Variants in BCAS3 observed in about 807,000 individuals in gnomAD.
BCAS3 encodes BCAS4/BCAS3 fusion.
A neutral mutation model predicts 116.1 loss-of-function variants in BCAS3; 53 were observed. The ratio of observed to expected loss-of-function variants is 0.46; its 90% CI spans 0.37 to 0.57. The LOEUF (loss-of-function observed/expected upper bound fraction) is 0.57. BCAS3 is among the 20% of genes least tolerant of loss of function. The pLI is 0.00. For missense variants in BCAS3, 917 were observed against 1,165.4 expected (o/e 0.79, Z 3.10); for synonymous variants, 391 against 408.2 (o/e 0.96, Z 0.51).
intron 19 of BCAS3, among the ~76,000 whole-genome samples, chr17:61,062,753 C>G (rs914977188): frequency 6.6e-6 from 1 of 152,190 alleles, no homozygotes; most frequent in Non-Finnish European, 1.5e-5. Flanking sequence ...ATCCTAAAAA[C>G]TGAAGGTCCT....
rs2048991318 is a variant in BCAS3, at chr17:61,258,928, A to G, written c.2426-109399A>G. ...TCCATTCTAAACTGACAGATGTTGC[A>G]GTGAGCTTTGAGCTCTTGGGGATTC... On this transcript the variant is annotated intron_variant, in intron 22 of 23. Transcript: ENST00000407086. The surrounding 1 kb of genome is among the most constrained non-coding windows in gnomAD (Gnocchi z 4.7). 6.6e-6 allele frequency among the ~76,000 whole-genome samples: 1 copy of G among 152,258 alleles called. No homozygotes were observed. The highest frequency in any genetic ancestry group is 2.4e-5 in the African/African-American group (1 of 41,468).
chr17:61,204,143 G>A lies in BCAS3; in HGVS notation c.2425+119579G>A, dbSNP rs1187338594. 6.6e-6 allele frequency among the ~76,000 whole-genome samples: 1 copy of A among 152,172 alleles called. No homozygotes were observed. Among genetic ancestry groups the A allele is most frequent in the Non-Finnish European group, 1.5e-5 (1 of 68,024 alleles). On this transcript the variant is annotated intron_variant, in intron 22 of 23. Transcript: ENST00000407086. This position sits in a 1 kb window ranked among gnomAD's most constrained non-coding sequence, Gnocchi z 4.2. ...GTCACTCAGTCTCTGAGCCAAACCT[G>A]CCTTTGTTTACAACTTTTCCGGAAA...
chr17:61,192,741 G>A (rs2080222138), intron 22 of BCAS3, among the ~76,000 whole-genome samples: 1 of 152,164 alleles, frequency 6.6e-6, no homozygotes, highest in Non-Finnish European at 1.5e-5. Flanking sequence ...AAATATAAAT[G>A]TAGAGGTAGG....
chr17:60,683,435 T>G (rs2033490457), intron 2 of BCAS3, among the ~76,000 whole-genome samples: 1 of 146,656 alleles, frequency 6.8e-6, no homozygotes, highest in South Asian at 2.1e-4. Context: ...CATTTACATT[T>G]AATAACATAT....
chr17:61,374,515 G>A (rs1403892959), intron 23 of BCAS3, among the ~76,000 whole-genome samples: 1 of 152,160 alleles, frequency 6.6e-6, no homozygotes, highest in Non-Finnish European at 1.5e-5. Context: ...CTCAGGGTCC[G>A]GGAGACTGTC....
At chr17:60,838,191 A>G (rs550397571) in intron 7 of BCAS3, among the ~76,000 whole-genome samples, 1 of 152,298 alleles carries the variant, frequency 6.6e-6, no homozygotes, top group African/African-American at 2.4e-5. Flanking sequence ...AGAAAATCAC[A>G]ACATGTGCAT....
At chr17:60,940,750 G>T (rs1287466979) in intron 13 of BCAS3, among the ~76,000 whole-genome samples, 1 of 152,088 alleles carries the variant, frequency 6.6e-6, no homozygotes, top group East Asian at 1.9e-4. Flanking sequence ...ATTTCTATTT[G>T]ATTCAGCATA....
chr17:60,710,885 C>T (rs1442656296), intron 5 of BCAS3, among the ~76,000 whole-genome samples: 1 of 151,502 alleles, frequency 6.6e-6, no homozygotes, highest in Non-Finnish European at 1.5e-5. Context: ...TCACTCTATC[C>T]TCCACCTCCT....
chr17:60,940,369 TTTGA>T (rs1192042234), intron 13 of BCAS3, among the ~76,000 whole-genome samples: 4 of 152,128 alleles, frequency 2.6e-5, no homozygotes, highest in Non-Finnish European at 5.9e-5. Context: ...CATTGATGAG[TTTGA>T]TTATTAGTGT....
intron 6 of BCAS3, among the ~76,000 whole-genome samples, chr17:60,771,621 A>G (rs890474979): frequency 3.3e-5 from 5 of 152,142 alleles, no homozygotes; most frequent in Non-Finnish European, 7.3e-5. Context: ...TTACATATGT[A>G]TACATGTGCC....
chr17:61,299,462 AAAAAG>A (rs964195069), intron 22 of BCAS3, among the ~76,000 whole-genome samples: 13 of 144,420 alleles, frequency 9.0e-5, no homozygotes, highest in African/African-American at 3.2e-4. Context: ...AAAAAAAAAA[AAAAAG>A]AAAAGAAAAA....
At position 61,349,817 on chromosome 17, in the gene BCAS3, A is replaced by G. The variant is rs1234079409; in HGVS notation, c.2426-18510A>G. On this transcript the variant is annotated intron_variant, in intron 22 of 23. Coordinates refer to ENST00000407086, the MANE Select transcript of BCAS3 (RefSeq NM_017679.5). The surrounding 1 kb of genome is among the most constrained non-coding windows in gnomAD (Gnocchi z 4.7). ...AATGTTTAATACATCTGCTCTCAGG[A>G]GTGATTTTGTACATAAGGCCTTCGT... Among the ~76,000 whole-genome samples, 6 of 152,194 alleles carry G rather than the reference A, an allele frequency of 3.9e-5. No individual in the cohort carries two copies. The East Asian group carries it at 9.6e-4, about 24-fold the overall frequency.
rs192518859 is a variant in BCAS3 at position 60,961,820 on chromosome 17, C to T, written c.1221+14468C>T. The stretch of plus-strand genomic sequence containing the variant: ...GATGGATAATGTGCTGACATTGTAA[C>T]GAGGCTTGAGGAAGGCACATCTCAC... On this transcript the variant is annotated intron_variant, in intron 14 of 23. Coordinates refer to ENST00000407086, the MANE Select transcript of BCAS3 (RefSeq NM_017679.5). The surrounding 1 kb of genome is among the most constrained non-coding windows in gnomAD (Gnocchi z 4.8). 8.5e-4 allele frequency among the ~76,000 whole-genome samples: 129 copies of T among 151,352 alleles called. No individual in the cohort carries two copies. The highest frequency in any genetic ancestry group is 2.8e-3 in the African/African-American group (116 of 41,208).
At chr17:61,040,701 T>C in intron 18 of BCAS3, 91 bp from the exon 19 acceptor site, 2 of 1,040,834 alleles carry the variant, frequency 1.9e-6, no homozygotes, top group South Asian at 2.7e-5. Flanking sequence ...TAGTGTGAGT[T>C]TAAGTCACTG....
In BCAS3 at chr17:61,343,896, C is replaced by A. The variant is rs2057343372; in HGVS notation, c.2426-24431C>A. Among the ~76,000 whole-genome samples, 1 of 152,216 alleles carries A rather than the reference C, an allele frequency of 6.6e-6. No individual in the cohort carries two copies. The highest frequency in any genetic ancestry group is 2.4e-5 in the African/African-American group (1 of 41,460). ...CCCTCTCTCTTTGGACCACCTCCTCCCCTTTCGCTTCCTTCCACACAGTCC... is the reference window on the plus strand; with the variant it reads ...CCCTCTCTCTTTGGACCACCTCCTCACCTTTCGCTTCCTTCCACACAGTCC... On this transcript the variant is annotated intron_variant, in intron 22 of 23. Transcript: ENST00000407086. This position sits in a 1 kb window ranked among gnomAD's most constrained non-coding sequence, Gnocchi z 5.5.
At chr17:61,386,345 C>T (rs546596007) in intron 23 of BCAS3, among the ~76,000 whole-genome samples, 8 of 152,340 alleles carry the variant, frequency 5.3e-5, no homozygotes, top group Admixed American at 2.0e-4. Context: ...GGGAAACATC[C>T]TCATCCTCCT....
chr17:61,114,783 G>A (rs112452822), intron 22 of BCAS3, among the ~76,000 whole-genome samples: 1 of 149,022 alleles, frequency 6.7e-6, no homozygotes. Flanking sequence ...CATCGCCAAG[G>A]CAATCCTAAG....
chr17:60,757,392 A>ATGTGTG lies in BCAS3; in HGVS notation c.403+10114_403+10115insGTGTGT, dbSNP rs879448369. ...TTTCTCTGCATCCTTGCCAGCATGT[A>ATGTGTG]TATGTGTGTGTGTGTGTGTGTGTGT... On this transcript the variant is annotated intron_variant, in intron 6 of 23. Transcript: ENST00000407086. Among the ~76,000 whole-genome samples the ATGTGTG allele has an allele frequency of 4.9e-3, 657 of 132,732 alleles. 6 individuals are homozygous for ATGTGTG. The highest frequency in any genetic ancestry group is 0.02 in the African/African-American group (601 of 29,492). The allele number at this position is 132,732 out of a possible 152,430, so 87.1% of individuals were successfully genotyped here. A position where few individuals can be genotyped will look rare whatever the true frequency, so the allele number is the denominator to read the frequency against.
chr17:61,040,081 T>C (rs954943613), intron 18 of BCAS3, among the ~76,000 whole-genome samples: 1 of 152,208 alleles, frequency 6.6e-6, no homozygotes, highest in Non-Finnish European at 1.5e-5. Flanking sequence ...TATAGTTCAT[T>C]GTCCAGGAAA....
Sources: gnomAD v4.1 joint callset for allele counts (sites outside exome capture counted in the v4.1 genomes callset) on GRCh38, gnomAD v4.1.1 for gene constraint, Gnocchi (gnomAD v3.1) non-coding constraint, MANE v1.5 for transcripts, NCBI Gene and HGNC (gene_info 2026-07-23, HGNC 2026-07-21) for gene names.